Variants in POP1 observed in about 807,000 individuals in gnomAD.
The protein encoded by POP1 is POP1 ribonuclease P/MRP subunit, also known as ribonucleases P/MRP protein subunit POP1.
A neutral mutation model predicts 102.2 loss-of-function variants in POP1; 75 were observed. The observed-to-expected ratio is 0.73, with a 90% CI of 0.61 to 0.89. The LOEUF (loss-of-function observed/expected upper bound fraction) is 0.89, where lower values mean the gene tolerates loss of function less well. Ranked by LOEUF, POP1 falls within the 40% of genes least tolerant of loss-of-function variation. The pLI is 0.00. For synonymous variants in POP1, 436 were observed against 464.1 expected (o/e 0.94, Z 0.78); for missense variants, 1,116 against 1,267.4 (o/e 0.88, Z 1.81).
intron 1 of POP1, among the ~76,000 whole-genome samples, chr8:98,118,048 A>G (rs1249455112): frequency 6.6e-6 from 1 of 151,712 alleles, no homozygotes; most frequent in Non-Finnish European, 1.5e-5. Context: ...AAAAAAAATA[A>G]TAATAAAATC....
Position 98,134,562 on chromosome 8 carries a change from T to C in POP1, c.914T>C (p.Leu305Pro), listed in dbSNP as rs764050185. Residue 305 changes from leucine to proline, a missense_variant, in exon 7 of 16, where the codon CTT (leucine) becomes CCT (proline). Leu to Pro is a moderately conservative substitution (Grantham distance 98). Coordinates refer to ENST00000401707, the MANE Select transcript of POP1 (RefSeq NM_001145860.2). ...YRVNKYPREM[L>P]GPVTFIWKSQ... ...GTGAATAAATATCCCAGAGAAATGC[T>C]TGGGCCTGTTACGTTTATCTGGAAG... 38 of 1,614,038 alleles carry C rather than the reference T, an allele frequency of 2.4e-5. No individual in the cohort carries two copies. Among genetic ancestry groups the C allele is most frequent in the Non-Finnish European group, 2.9e-5 (34 of 1,179,978 alleles).
At chr8:98,120,231 A>G (rs779213569) in intron 1 of POP1, among the ~76,000 whole-genome samples, 3 of 152,210 alleles carry the variant, frequency 2.0e-5, no homozygotes, top group Non-Finnish European at 2.9e-5. Flanking sequence ...GCAGAACTCC[A>G]TTTACTTCCT....
At chr8:98,130,748 A>G (rs1013772705) in intron 5 of POP1, among the ~76,000 whole-genome samples, 2 of 152,242 alleles carry the variant, frequency 1.3e-5, no homozygotes, top group Non-Finnish European at 2.9e-5. Flanking sequence ...TCGTTCATCA[A>G]TAACAGATAT....
chr8:98,126,530 A>C (rs1455640442), intron 2 of POP1, among the ~76,000 whole-genome samples: 1 of 152,176 alleles, frequency 6.6e-6, no homozygotes, highest in Admixed American at 6.5e-5. Context: ...TCACCACGTA[A>C]GCACACCCAC....
Position 98,123,475 on chromosome 8 carries a change from A to G in POP1, c.138A>G (p.Lys46=), listed in dbSNP as rs979847872. The G allele has an allele frequency of 6.2e-7, 1 of 1,613,622 alleles. No homozygotes were observed. Residue 46 remains lysine (K), a synonymous_variant, in exon 2 of 16, where the codon AAA becomes AAG. Coordinates refer to ENST00000401707, the MANE Select transcript of POP1 (RefSeq NM_001145860.2). ...GTGAAAAACCTTTCCAAGCTCAAAA[A>G]CAAGGTAAAATACACATAAGAGACC... ...SGGEKPFQAQ[K]QEPHPGTSRQ...
At chr8:98,132,764 C>T (rs1348770263) in intron 5 of POP1, among the ~76,000 whole-genome samples, 2 of 151,982 alleles carry the variant, frequency 1.3e-5, no homozygotes, top group Non-Finnish European at 2.9e-5. Context: ...CTCAGTAACC[C>T]TTCAATGACT....
At chr8:98,145,175 C>T (rs1003855138) in intron 11 of POP1, among the ~76,000 whole-genome samples, 8 of 152,238 alleles carry the variant, frequency 5.3e-5, no homozygotes, top group African/African-American at 1.9e-4. Flanking sequence ...AGACATGAGC[C>T]GTTGCACCTG....
At chr8:98,121,510 G>A (rs995953371) in intron 1 of POP1, among the ~76,000 whole-genome samples, 5 of 142,920 alleles carry the variant, frequency 3.5e-5, no homozygotes, top group East Asian at 3.9e-4. Context: ...TTGGTTACAC[G>A]GGTTTTTTTT....
At position 98,134,515 on chromosome 8, in the gene POP1, A is replaced by G; in HGVS notation, c.867A>G (p.Gln289=). Residue 289 remains glutamine, a synonymous_variant, in exon 7 of 16, where the codon CAA becomes CAG. Coordinates refer to ENST00000401707, the MANE Select transcript of POP1 (RefSeq NM_001145860.2). The part of the protein sequence containing the change: ...AAVHCLSGKR[Q]GSLVLYRVNK... Reference sequence around the variant, plus strand: ...TTCACTGCTTGTCTGGAAAGCGCCAAGGGAGCCTTGTGCTTTATCGGGTGA... The same window carrying G: ...TTCACTGCTTGTCTGGAAAGCGCCAGGGGAGCCTTGTGCTTTATCGGGTGA... 6.2e-7 allele frequency: 1 copy of G among 1,614,202 alleles called. No homozygotes were observed. Among genetic ancestry groups the G allele is most frequent in the Non-Finnish European group, 8.5e-7 (1 of 1,180,038 alleles).
intron 13 of POP1, among the ~76,000 whole-genome samples, chr8:98,150,201 C>T (rs1443380647): frequency 6.6e-6 from 1 of 152,152 alleles, no homozygotes; most frequent in Non-Finnish European, 1.5e-5. Context: ...AATAAAATAA[C>T]TATTTAGACT....
chr8:98,141,188 G>A (rs1563779469), intron 11 of POP1, among the ~76,000 whole-genome samples: 1 of 151,778 alleles, frequency 6.6e-6, no homozygotes, highest in Non-Finnish European at 1.5e-5. Context: ...AAAATGTCTG[G>A]CGTTTCAGAA....
rs1357298982 is a variant in POP1, at chr8:98,127,778, G to T, written c.310+16G>T. The T allele has an allele frequency of 6.2e-7, 1 of 1,613,016 alleles. No homozygotes were observed. Among genetic ancestry groups the T allele is most frequent in the Non-Finnish European group, 8.5e-7 (1 of 1,179,148 alleles). On this transcript the variant is annotated intron_variant, in intron 3 of 15. Coordinates refer to ENST00000401707, the MANE Select transcript of POP1 (RefSeq NM_001145860.2). ...TATATAACTGGTGGGTACTCATAAAGAGGTGCAGTTTGCTTGTATTTTGAA... is the reference window on the plus strand; with the variant it reads ...TATATAACTGGTGGGTACTCATAAATAGGTGCAGTTTGCTTGTATTTTGAA...
Position 98,158,554 on chromosome 8 carries a change from A to G in POP1, c.*283A>G. On this transcript the variant is annotated 3_prime_UTR_variant, in exon 16 of 16. Coordinates refer to ENST00000401707, the MANE Select transcript of POP1 (RefSeq NM_001145860.2). ...GTAGTTGTGGCTGAAAATAATGAGA[A>G]GCTCTACGAGTTATCATCCCCTTTT... 2.8e-6 allele frequency: 1 copy of G among 355,652 alleles called. No homozygotes were observed. 22.0% of individuals were successfully genotyped at this position (355,652 alleles called of 1,614,324 possible).
intron 13 of POP1, 145 bp from the exon 14 acceptor site, chr8:98,150,340 C>A: frequency 1.2e-6 from 1 of 837,238 alleles, no homozygotes; most frequent in Non-Finnish European, 1.9e-6. Context: ...TTCATTTTTA[C>A]TATTGCATGG....
At chr8:98,153,399 G>C (rs995642049) in intron 14 of POP1, among the ~76,000 whole-genome samples, 4 of 152,144 alleles carry the variant, frequency 2.6e-5, no homozygotes, top group Non-Finnish European at 5.9e-5. Flanking sequence ...CAGGGCACAC[G>C]TGGAGGAGGC....
chr8:98,136,602 G>A lies in POP1; in HGVS notation c.1132G>A (p.Glu378Lys), dbSNP rs772305728. Residue 378 changes from glutamate (E) to lysine (K), a missense_variant, in exon 8 of 16, where the codon GAG becomes AAG. Transcript: ENST00000401707. ...AAAAAGCCAAACTGAATTGCCTGAC[G>A]AGAAAATTGGCAAGAAAAGAAAAAG... Reference protein sequence around the residue: ...QEKSQTELPDEKIGKKRKRKD... With the variant: ...QEKSQTELPDKKIGKKRKRKD... 16 of 1,614,024 alleles carry A rather than the reference G, an allele frequency of 9.9e-6. No homozygotes were observed. The highest frequency in any genetic ancestry group is 8.3e-5 in the Admixed American group (5 of 59,992).
chr8:98,123,244 T>C (rs1161050413), intron 1 of POP1, 92 bp from the exon 2 acceptor site: 2 of 1,440,362 alleles, frequency 1.4e-6, no homozygotes, highest in African/African-American at 2.9e-5. Flanking sequence ...TAGACTTATT[T>C]TGAATCACAT....
At chr8:98,144,812 C>G (rs1483345600) in intron 11 of POP1, among the ~76,000 whole-genome samples, 1 of 152,172 alleles carries the variant, frequency 6.6e-6, no homozygotes, top group Non-Finnish European at 1.5e-5. Flanking sequence ...AGCACTGTGG[C>G]TTGAGGATCT....
At position 98,156,106 on chromosome 8, in the gene POP1, G is replaced by A. The variant is rs1316881758; in HGVS notation, c.2114G>A (p.Cys705Tyr). 4 of 1,614,070 alleles carry A rather than the reference G, an allele frequency of 2.5e-6. No homozygotes were observed. Among genetic ancestry groups the A allele is most frequent in the Non-Finnish European group, 3.4e-6 (4 of 1,180,024 alleles). Residue 705 changes from cysteine (C) to tyrosine (Y), a missense_variant, in exon 15 of 16, where the codon TGC becomes TAC. Coordinates refer to ENST00000401707, the MANE Select transcript of POP1 (RefSeq NM_001145860.2). ...AAGCTTGGCACTCTGGCACCTTTCT[G>A]CTGTCCCTGGGAGCAGTTAACTCAA... ...YVKLGTLAPFCCPWEQLTQDW... is the reference protein window; with the variant it reads ...YVKLGTLAPFYCPWEQLTQDW...
Sources: gnomAD v4.1 joint callset for allele counts (sites outside exome capture counted in the v4.1 genomes callset) on GRCh38, gnomAD v4.1.1 for gene constraint, MANE v1.5 for transcripts, NCBI Gene and HGNC (gene_info 2026-07-23, HGNC 2026-07-21) for gene names.